Variants in RNF17 observed in about 807,000 individuals in gnomAD.
RNF17 encodes the protein spermatogenesis associated 23.
RNF17 carries 31 observed loss-of-function variants against 200.5 expected under a neutral mutation model. The observed-to-expected ratio is 0.15, with a 90% CI of 0.12 to 0.21. The LOEUF is 0.21. Ranked by LOEUF, RNF17 falls within the 10% of genes least tolerant of loss-of-function variation. The pLI is 1.00. For synonymous variants in RNF17, 606 were observed against 637.8 expected, an observed-to-expected ratio of 0.95 and a Z score of 0.75; for missense variants, 1,628 against 1,905.1, an observed-to-expected ratio of 0.85 and a Z score of 2.71.
At chr13:24,823,729 T>C (rs1888336914) in intron 15 of RNF17, among the ~76,000 whole-genome samples, 1 of 152,166 alleles carries the variant, frequency 6.6e-6, no homozygotes, top group Non-Finnish European at 1.5e-5. Context: ...CTCTACCATA[T>C]ATATGACTGC....
At chr13:24,879,343 T>C in intron 35 of RNF17, 48 bp downstream of exon 35, 1 of 1,216,468 alleles carries the variant, frequency 8.2e-7, no homozygotes, top group Non-Finnish European at 1.2e-6. Flanking sequence ...CTAGTGGAGA[T>C]GAATGCTAGA....
intron 29 of RNF17, 30 bp from the exon 30 acceptor site, chr13:24,866,114 G>T: frequency 8.2e-7 from 1 of 1,213,496 alleles, no homozygotes; most frequent in East Asian, 2.4e-5. Flanking sequence ...ATAGCTAAAG[G>T]TGATTTTACT....
Position 24,870,648 on chromosome 13 carries a change from C to T in RNF17, c.4356C>T (p.Ser1452=), listed in dbSNP as rs200797570. The change falls in exon 32 of 36, where the codon AGC becomes AGT. Residue 1452 remains serine, a synonymous_variant. Coordinates refer to ENST00000255324, the MANE Select transcript of RNF17 (RefSeq NM_031277.3). ...GTGACACAGATGATAGTGGAGTCAG[C>T]GGGGAATCAGAATCCGAGAGCCTTG... is the stretch of plus-strand genomic sequence containing the variant. ...QHSDTDDSGV[S]GESESESLDE... is the part of the protein sequence containing the mutation. 48 of 1,613,800 alleles carry T rather than the reference C, an allele frequency of 3.0e-5. No individual in the cohort carries two copies. The highest frequency in any genetic ancestry group is 3.6e-5 in the Non-Finnish European group (42 of 1,179,844).
chr13:24,847,758 C>T (rs928858072), intron 22 of RNF17, among the ~76,000 whole-genome samples: 7 of 152,178 alleles, frequency 4.6e-5, no homozygotes, highest in Admixed American at 1.3e-4. Flanking sequence ...TCTAATCTTA[C>T]AGGCACCTCT....
intron 24 of RNF17, among the ~76,000 whole-genome samples, chr13:24,852,298 C>T (rs1892006260): frequency 6.6e-6 from 1 of 152,122 alleles, no homozygotes; most frequent in Non-Finnish European, 1.5e-5. Context: ...GCCACCTCGC[C>T]TGGCTAATTT....
At position 24,802,373 on chromosome 13, in the gene RNF17, T is replaced by G. The variant is rs1885360338; in HGVS notation, c.1759-8T>G. Reference sequence around the variant, plus strand: ...TTAATTACTATGGAATTTTACTTTCTTGCACAGAATGAAGGCTGGGAAGAG... The same window carrying G: ...TTAATTACTATGGAATTTTACTTTCGTGCACAGAATGAAGGCTGGGAAGAG... On this transcript the variant is annotated splice_polypyrimidine_tract_variant and splice_region_variant and intron_variant, in intron 13 of 35. Transcript: ENST00000255324. The G allele has an allele frequency of 6.2e-7, 1 of 1,602,652 alleles. No homozygotes were observed. Among genetic ancestry groups the G allele is most frequent in the African/African-American group, 1.3e-5 (1 of 74,196 alleles).
At chr13:24,820,683 C>T (rs954499328) in intron 15 of RNF17, among the ~76,000 whole-genome samples, 1 of 152,026 alleles carries the variant, frequency 6.6e-6, no homozygotes, top group Non-Finnish European at 1.5e-5. Flanking sequence ...TGATCACCCC[C>T]CTTGGCCTCC....
At chr13:24,753,972 C>T in the RNF17 span, among the ~76,000 whole-genome samples, 1 of 152,012 alleles carries the variant, frequency 6.6e-6, no homozygotes, top group African/African-American at 2.4e-5. Context: ...GCCTGGCCAA[C>T]ATGGTAAAAC....
At chr13:24,783,021 T>TAA (rs1882636694) in intron 6 of RNF17, among the ~76,000 whole-genome samples, 3 of 152,344 alleles carry the variant, frequency 2.0e-5, no homozygotes, top group African/African-American at 7.2e-5. Context: ...TTTAAGAGTT[T>TAA]TATAGTTCTC....
chr13:24,847,918 T>G (rs1489100266), intron 22 of RNF17, among the ~76,000 whole-genome samples: 1 of 152,186 alleles, frequency 6.6e-6, no homozygotes, highest in African/African-American at 2.4e-5. Flanking sequence ...TGAACAGAAT[T>G]ATATCAGTCC....
intron 2 of RNF17, among the ~76,000 whole-genome samples, chr13:24,771,889 A>G (rs760703088): frequency 3.9e-5 from 6 of 152,056 alleles, no homozygotes; most frequent in Non-Finnish European, 8.8e-5. Flanking sequence ...CTGTAATCCC[A>G]GATACTCGGG....
chr13:24,789,889 T>C (rs550146792), intron 9 of RNF17, 117 bp downstream of exon 9: 1 of 660,110 alleles, frequency 1.5e-6, no homozygotes, highest in East Asian at 2.5e-5. Flanking sequence ...AAGGGCAAAA[T>C]AGTTTCTATA....
intron 2 of RNF17, among the ~76,000 whole-genome samples, chr13:24,771,555 C>T (rs17081134): frequency 0.19 from 29,097 of 151,008 alleles, 3,345 homozygotes; most frequent in African/African-American, 0.33. Context: ...CAGCCTCTCA[C>T]TTTTGATTTT....
At chr13:24,866,050 G>T in intron 29 of RNF17, 94 bp from the exon 30 acceptor site, 1 of 707,362 alleles carries the variant, frequency 1.4e-6, no homozygotes, top group Admixed American at 2.6e-5. Flanking sequence ...ATACCAACAA[G>T]GAAATGCACC....
At chr13:24,852,223 C>T (rs1230244071) in intron 24 of RNF17, among the ~76,000 whole-genome samples, 1 of 151,474 alleles carries the variant, frequency 6.6e-6, no homozygotes, top group East Asian at 1.9e-4. Context: ...ACTGCAAGCT[C>T]CACCTCCCAG....
At chr13:24,845,182 A>G in intron 22 of RNF17, 103 bp downstream of exon 22, 12 of 679,646 alleles carry the variant, frequency 1.8e-5, no homozygotes, top group Non-Finnish European at 3.0e-5. Context: ...CCTAAAATCT[A>G]GTTAATTTTG....
chr13:24,795,911 T>C (rs940111552), intron 10 of RNF17, among the ~76,000 whole-genome samples: 21 of 152,352 alleles, frequency 1.4e-4, no homozygotes, highest in African/African-American at 4.8e-4. Context: ...TTGCAAGTAT[T>C]ATGAAGTATT....
downstream of RNF17, among the ~76,000 whole-genome samples, chr13:24,880,754 T>C (rs563505708): frequency 6.6e-6 from 1 of 152,206 alleles, no homozygotes; most frequent in African/African-American, 2.4e-5. Flanking sequence ...GGGGTTGCTT[T>C]TTGACTTTTA....
chr13:24,886,213 G>C, the RNF17 span: 2 of 816,826 alleles, frequency 2.4e-6, no homozygotes, highest in Non-Finnish European at 3.6e-6. Context: ...TGTGCCAATG[G>C]ATCATATTGT....
Sources: allele counts gnomAD v4.1 joint callset (sites outside exome capture counted in the v4.1 genomes callset), GRCh38; gene constraint gnomAD v4.1.1; transcripts MANE v1.5; gene names NCBI Gene and HGNC (gene_info 2026-07-23, HGNC 2026-07-21).